Variants in PTPRC observed in about 807,000 individuals in gnomAD.
The protein encoded by PTPRC is protein tyrosine phosphatase receptor type C.
Under a neutral mutation model 155.9 loss-of-function variants are expected in PTPRC, and 44 were observed. The ratio of observed to expected loss-of-function variants is 0.28; its 90% CI spans 0.22 to 0.36. The LOEUF (loss-of-function observed/expected upper bound fraction) is 0.36. PTPRC is among the 10% of genes least tolerant of loss of function. The probability of loss-of-function intolerance (pLI) is 1.00; values close to 1 mark genes in which losing one functional copy is unlikely to be tolerated. For synonymous variants in PTPRC, 525 were observed against 533.1 expected, an observed-to-expected ratio of 0.98 and a Z score of 0.21; for missense variants, 1,401 against 1,564.6, an observed-to-expected ratio of 0.90 and a Z score of 1.76.
At position 198,728,447 on chromosome 1, in the gene PTPRC, T is replaced by C; in HGVS notation, c.1828T>C (p.Cys610Arg). ...KIYDLHKKRS[C>R]NLDEQQELVE... ...CTATGATCTACATAAGAAAAGATCC[T>C]GGTAAGAGTTGATTTTAAATTTTTA... The change falls in exon 16 of 33, where the codon TGC becomes CGC. Residue 610 changes from cysteine (C) to arginine (R), a missense_variant and splice_region_variant. Cys to Arg is a radical substitution (Grantham distance 180, BLOSUM62 -3). Transcript: ENST00000442510. 6.2e-7 allele frequency: 1 copy of C among 1,611,824 alleles called. No individual in the cohort carries two copies. The highest frequency in any genetic ancestry group is 2.2e-5 in the East Asian group (1 of 44,698).
chr1:198,736,033 A>G lies in PTPRC; in HGVS notation c.2403+781A>G, dbSNP rs185796388. ...AATGTGTATCTCTTATTTCCAACAA[A>G]TGAATTTTATTTTTAATTTTTTGGG... is the stretch of plus-strand genomic sequence containing the variant. On this transcript the variant is annotated intron_variant, in intron 23 of 32. Coordinates refer to ENST00000442510, the MANE Select transcript of PTPRC (RefSeq NM_002838.5). Among the ~76,000 whole-genome samples the G allele has an allele frequency of 2.6e-5, 4 of 151,650 alleles. No homozygotes were observed. In the East Asian group the frequency reaches 7.8e-4, roughly 29 times the overall value.
intron 25 of PTPRC, 109 bp from the exon 26 acceptor site, chr1:198,743,945 A>C: frequency 3.7e-6 from 4 of 1,082,006 alleles, no homozygotes; most frequent in Non-Finnish European, 5.5e-6. Context: ...CTTTGCCATG[A>C]ATTGTTCCAA....
intron 2 of PTPRC, among the ~76,000 whole-genome samples, chr1:198,668,968 T>G (rs1201895752): frequency 6.6e-6 from 1 of 152,120 alleles, no homozygotes; most frequent in Non-Finnish European, 1.5e-5. Context: ...ATAAAGTAGG[T>G]GTAATGTAAC....
Position 198,654,892 on chromosome 1 carries a change from T to G in PTPRC, c.73+15551T>G, listed in dbSNP as rs75348912. Among the ~76,000 whole-genome samples, 688 of 152,038 alleles carry G rather than the reference T, an allele frequency of 4.5e-3. 7 individuals carry two copies. Among genetic ancestry groups the G allele is most frequent in the African/African-American group, 0.015 (634 of 41,550 alleles). ...GAATGAACTACAGATTCATGAATAC[T>G]AAGGGCAACTTTTATCTCAGGAAAT... On this transcript the variant is annotated intron_variant, in intron 2 of 32. Transcript: ENST00000442510.
intron 13 of PTPRC, 63 bp downstream of exon 13, chr1:198,716,903 G>T: frequency 6.8e-7 from 1 of 1,472,346 alleles, no homozygotes; most frequent in Non-Finnish European, 9.5e-7. Context: ...GAACTTTTTA[G>T]CCTACAATAT....
At chr1:198,689,714 A>C (rs191415343) in intron 2 of PTPRC, among the ~76,000 whole-genome samples, 1 of 152,294 alleles carries the variant, frequency 6.6e-6, no homozygotes, top group East Asian at 1.9e-4. Context: ...TGCTTAAAAG[A>C]ATCCAGCAAT....
intron 16 of PTPRC, 55 bp downstream of exon 16, chr1:198,728,503 G>T: frequency 6.3e-7 from 1 of 1,586,376 alleles, no homozygotes; most frequent in Non-Finnish European, 8.6e-7. Context: ...TGGTGCAAAC[G>T]CATATCCATA....
At chr1:198,653,341 T>C (rs1663357890) in intron 2 of PTPRC, among the ~76,000 whole-genome samples, 1 of 151,854 alleles carries the variant, frequency 6.6e-6, no homozygotes, top group African/African-American at 2.4e-5. Context: ...TGTTTAAGCA[T>C]TTGAAAAACG....
At chr1:198,750,351 C>T (rs1244296185) in intron 28 of PTPRC, 141 bp from the exon 29 acceptor site, 8 of 877,822 alleles carry the variant, frequency 9.1e-6, no homozygotes, top group African/African-American at 1.7e-5. Flanking sequence ...TACATTGTTT[C>T]TTGTAAGAAA....
intron 2 of PTPRC, among the ~76,000 whole-genome samples, chr1:198,687,892 G>GT (rs924958525): frequency 6.6e-6 from 1 of 151,592 alleles, no homozygotes; most frequent in Admixed American, 6.6e-5. Context: ...GATTCTATGT[G>GT]TTTTTTTCAG....
At chr1:198,710,595 CTTTAA>C (rs1021697975) in intron 11 of PTPRC, among the ~76,000 whole-genome samples, 2 of 152,100 alleles carry the variant, frequency 1.3e-5, no homozygotes, top group Non-Finnish European at 1.5e-5. Context: ...TTTATGTCTT[CTTTAA>C]TTTATTTTCA....
chr1:198,660,293 C>T (rs1663883239), intron 2 of PTPRC, among the ~76,000 whole-genome samples: 1 of 151,412 alleles, frequency 6.6e-6, no homozygotes, highest in African/African-American at 2.4e-5. Context: ...TTCAATTTAC[C>T]ATTTTGTGAT....
chr1:198,706,728 T>G lies in PTPRC; in HGVS notation c.686-6T>G. The G allele has an allele frequency of 6.2e-7, 1 of 1,605,548 alleles. No homozygotes were observed. The highest frequency in any genetic ancestry group is 8.5e-7 in the Non-Finnish European group (1 of 1,174,290). The stretch of plus-strand genomic sequence containing the variant: ...AAATAACACTCAATGTTCTATTTTC[T>G]TTTAGATGAAAAATATGCAAACATC... On this transcript the variant is annotated splice_polypyrimidine_tract_variant and splice_region_variant and intron_variant, in intron 8 of 32. Transcript: ENST00000442510.
At chr1:198,707,845 A>T (rs1358138607) in intron 9 of PTPRC, among the ~76,000 whole-genome samples, 2 of 152,248 alleles carry the variant, frequency 1.3e-5, no homozygotes, top group Non-Finnish European at 2.9e-5. Context: ...AAAATGTGCG[A>T]AAGCTACAAT....
At chr1:198,708,282 A>T (rs1488219368) in intron 10 of PTPRC, 21 bp downstream of exon 10, 3 of 1,596,122 alleles carry the variant, frequency 1.9e-6, no homozygotes, top group East Asian at 4.5e-5. Context: ...AACATTGACC[A>T]GAGAATTTTT....
chr1:198,706,410 A>T (rs986784773), intron 8 of PTPRC, among the ~76,000 whole-genome samples: 2 of 152,194 alleles, frequency 1.3e-5, no homozygotes, highest in Admixed American at 6.5e-5. Flanking sequence ...AGTTCCCATT[A>T]ATGATACATA....
chr1:198,703,682 G>T (rs1360661165), intron 7 of PTPRC: 1 of 421,362 alleles, frequency 2.4e-6, no homozygotes, highest in African/African-American at 2.0e-5. Context: ...CATCAAAGGG[G>T]CTGTCCATTG....
At chr1:198,750,706 G>T in intron 29 of PTPRC, 80 bp downstream of exon 29, 1 of 1,528,734 alleles carries the variant, frequency 6.5e-7, no homozygotes, top group Non-Finnish European at 9.0e-7. Context: ...TTGCTTCATC[G>T]CCATACCCAC....
chr1:198,720,957 C>T (rs1448315040), intron 14 of PTPRC, among the ~76,000 whole-genome samples: 1 of 152,004 alleles, frequency 6.6e-6, no homozygotes, highest in East Asian at 1.9e-4. Context: ...TAGCCACCTC[C>T]CTCCACGCTC....
Sources: allele counts gnomAD v4.1 joint callset (sites outside exome capture counted in the v4.1 genomes callset), GRCh38; gene constraint gnomAD v4.1.1; transcripts MANE v1.5; gene names NCBI Gene and HGNC (gene_info 2026-07-23, HGNC 2026-07-21).